The following DENND2B variants were observed in gnomAD, a reference collection of about 807,000 sequenced individuals.
DENND2B encodes DENN domain-containing protein 2B.
In DENND2B, 32 loss-of-function variants were observed where a neutral mutation model predicts 116.0. That is an observed-to-expected ratio of 0.28 (90% CI 0.21 to 0.37). DENND2B has a LOEUF of 0.37. DENND2B is among the 10% of genes least tolerant of loss of function. The pLI, the probability that DENND2B is intolerant of heterozygous loss-of-function variation, is 1.00. For synonymous variants in DENND2B, 588 were observed against 583.9 expected, an observed-to-expected ratio of 1.01 and a Z score of -0.10; for missense variants, 1,276 against 1,477.7, an observed-to-expected ratio of 0.86 and a Z score of 2.24.
At chr11:8,718,105 C>CCCCCCCCAA (rs1169627648) in intron 4 of DENND2B, 1 of 250,052 alleles carries the variant, frequency 4.0e-6, no homozygotes, top group Non-Finnish European at 7.6e-6. Flanking sequence ...CACCCCCCCA[C>CCCCCCCCAA]CCCCCCCAAC....
rs145810895 is a variant in DENND2B at position 8,730,818 on chromosome 11, G to C, written c.472C>G (p.Arg158Gly). 4.0e-4 allele frequency: 643 copies of C among 1,613,148 alleles called. No homozygotes were observed. In the African/African-American group the frequency reaches 7.5e-3, roughly 19 times the overall value. Residue 158 changes from arginine to glycine, a missense_variant, in exon 3 of 20, where the codon CGC (arginine) becomes GGC (glycine). Transcript: ENST00000313726. This position sits in a 1 kb window ranked among gnomAD's most constrained non-coding sequence, Gnocchi z 4.1. ...TCCCGGATGCCCAGGCTGTGGGCGCGGGTACCGGTACGGGTCAGCAAGACG... is the reference window on the plus strand; with the variant it reads ...TCCCGGATGCCCAGGCTGTGGGCGCCGGTACCGGTACGGGTCAGCAAGACG... Reference protein sequence around the residue: ...RGVLLTRTGTRAHSLGIREKI... With the variant: ...RGVLLTRTGTGAHSLGIREKI...
At chr11:8,900,457 G>A (rs1048617356) in intron 1 of DENND2B, among the ~76,000 whole-genome samples, 3 of 147,292 alleles carry the variant, frequency 2.0e-5, no homozygotes, top group African/African-American at 7.3e-5. Context: ...AAATTAGCCA[G>A]GTGTGTTGGC....
At chr11:8,699,918 C>T (rs1225202141) in intron 14 of DENND2B, 1 of 456,222 alleles carries the variant, frequency 2.2e-6, no homozygotes, top group Non-Finnish European at 4.4e-6. Context: ...TTTTCCAAGA[C>T]CCCAGATTGG....
At chr11:8,802,681 GA>G (rs1416124880) in intron 1 of DENND2B, among the ~76,000 whole-genome samples, 7 of 152,242 alleles carry the variant, frequency 4.6e-5, no homozygotes, top group African/African-American at 1.7e-4. Context: ...GGATTGCTCA[GA>G]AAACACTGGC....
intron 1 of DENND2B, among the ~76,000 whole-genome samples, chr11:8,779,751 T>C (rs911917469): frequency 3.9e-5 from 6 of 152,124 alleles, no homozygotes; most frequent in African/African-American, 1.4e-4. Context: ...TGACCTCAGG[T>C]GATCCGCCCC....
intron 1 of DENND2B, among the ~76,000 whole-genome samples, chr11:8,805,484 T>G (rs556408745): frequency 8.1e-4 from 124 of 152,330 alleles, no homozygotes; most frequent in Non-Finnish European, 1.5e-3. Flanking sequence ...TCCCCTTTCC[T>G]ATGACTCCCT....
intron 17 of DENND2B, 132 bp downstream of exon 17, chr11:8,697,393 A>T: frequency 1.5e-6 from 1 of 671,664 alleles, no homozygotes; most frequent in Non-Finnish European, 2.6e-6. Flanking sequence ...AAAAGACGCT[A>T]GAGTGAGACC....
rs1479536703 is a variant in DENND2B at position 8,717,769 on chromosome 11, T to A, written c.1601A>T (p.Asp534Val). ...DSLHRMWSPQDRKYNSPPTQL... is the reference protein window; with the variant it reads ...DSLHRMWSPQVRKYNSPPTQL... ...TGTGGGCGGGCTGTTGTACTTCCTG[T>A]CCTGAGGACTCCACATCCTGTGCAA... The change falls in exon 5 of 20, where the codon GAC becomes GTC. Residue 534 changes from aspartate (D) to valine (V), a missense_variant. Physicochemically the swap from Asp to Val is radical, Grantham distance 152. Around this residue, in one of 2 missense-constraint regions of DENND2B, gnomAD observed 856 missense variants for 846.6 expected, o/e 1.01. Transcript: ENST00000313726. 1 of 1,595,078 alleles carries A rather than the reference T, an allele frequency of 6.3e-7. No individual in the cohort carries two copies. Among genetic ancestry groups the A allele is most frequent in the Non-Finnish European group, 8.6e-7 (1 of 1,167,388 alleles).
At chr11:8,908,264 G>A (rs1011687859) in intron 1 of DENND2B, among the ~76,000 whole-genome samples, 3 of 152,074 alleles carry the variant, frequency 2.0e-5, no homozygotes, top group African/African-American at 7.2e-5. Context: ...GGAACCACTG[G>A]GAAAAGTTTC....
chr11:8,864,415 G>T (rs912186002), intron 2 of DENND2B, among the ~76,000 whole-genome samples: 6 of 151,892 alleles, frequency 4.0e-5, no homozygotes, highest in African/African-American at 1.5e-4. Flanking sequence ...CCACAGACAC[G>T]CACCGCCACG....
chr11:8,793,804 G>A lies in DENND2B; in HGVS notation c.-26+16713C>T, dbSNP rs894121249. On this transcript the variant is annotated intron_variant, in intron 1 of 19. Transcript: ENST00000313726. ...CAAACTTTCCCACAGCAGCTGCACC[G>A]CTAACACTCCCACTAACAATGTATG... 2.8e-4 allele frequency among the ~76,000 whole-genome samples: 42 copies of A among 152,060 alleles called. 1 individual carries two copies. Among genetic ancestry groups the A allele is most frequent in the African/African-American group, 7.0e-4 (29 of 41,418 alleles).
intron 1 of DENND2B, among the ~76,000 whole-genome samples, chr11:8,778,932 T>G (rs978433417): frequency 6.6e-6 from 1 of 152,368 alleles, no homozygotes; most frequent in South Asian, 2.1e-4. Flanking sequence ...GTCTTTCCAT[T>G]CCCACTTCAG....
Position 8,693,784 on chromosome 11 carries a change from A to C in DENND2B, c.*312T>G, listed in dbSNP as rs1048133561. ...TTTGGCTGAGACAGTCAGCTGCACA[A>C]AACTGGCCAGTCACGAGCACCCAGC... On this transcript the variant is annotated 3_prime_UTR_variant, in exon 20 of 20. Transcript: ENST00000313726. The C allele has an allele frequency of 3.1e-6, 1 of 317,894 alleles. No homozygotes were observed. Among genetic ancestry groups the C allele is most frequent in the Non-Finnish European group, 5.8e-6 (1 of 171,602 alleles). 19.7% of individuals were successfully genotyped at this position (317,894 alleles called of 1,614,324 possible).
intron 1 of DENND2B, among the ~76,000 whole-genome samples, chr11:8,889,849 C>T (rs1399110612): frequency 6.6e-6 from 1 of 152,226 alleles, no homozygotes; most frequent in African/African-American, 2.4e-5. Context: ...CAGCAGAAAC[C>T]TCTGCAGACT....
intron 4 of DENND2B, chr11:8,718,744 T>G (rs927538341): frequency 9.3e-7 from 1 of 1,077,484 alleles, no homozygotes; most frequent in Non-Finnish European, 1.1e-6. Flanking sequence ...CAGCGGGCAT[T>G]GTATTGGCAT....
intron 1 of DENND2B, among the ~76,000 whole-genome samples, chr11:8,767,128 T>C (rs1190142690): frequency 6.6e-6 from 1 of 152,152 alleles, no homozygotes; most frequent in Non-Finnish European, 1.5e-5. Flanking sequence ...TGGAAATTAA[T>C]GCGTGGGAGG....
chr11:8,775,256 C>T (rs1235458493), intron 1 of DENND2B, among the ~76,000 whole-genome samples: 1 of 151,984 alleles, frequency 6.6e-6, no homozygotes, highest in African/African-American at 2.4e-5. Context: ...GCTCTGATGT[C>T]GTGTTATCTC....
At position 8,730,418 on chromosome 11, in the gene DENND2B, A is replaced by T. The variant is rs1244854185; in HGVS notation, c.872T>A (p.Val291Asp). ...CCCCCGGCCCGGCTGCTCCTTCAGG[A>T]CCTGTTCAATTTTCTGGATCCGGCT... ...VLSRIQKIEQ[V>D]LKEQPGRGLP... The change falls in exon 3 of 20, where the codon GTC becomes GAC. Residue 291 changes from valine (V) to aspartate (D), a missense_variant. Val to Asp is a radical substitution (Grantham distance 152, BLOSUM62 -3). Around this residue, in one of 2 missense-constraint regions of DENND2B, gnomAD observed 856 missense variants for 846.6 expected, o/e 1.01. Transcript: ENST00000313726. The surrounding 1 kb of genome is among the most constrained non-coding windows in gnomAD (Gnocchi z 4.1). The T allele has an allele frequency of 1.2e-6, 2 of 1,607,794 alleles. No homozygotes were observed. The highest frequency in any genetic ancestry group is 1.7e-6 in the Non-Finnish European group (2 of 1,179,826).
chr11:8,880,896 G>A (rs1196862892), intron 2 of DENND2B: 1 of 152,006 alleles, frequency 6.6e-6, no homozygotes, highest in Non-Finnish European at 1.5e-5. Flanking sequence ...CACTGAGAAA[G>A]GAGAAATGTA....
Sources: allele counts gnomAD v4.1 joint callset (sites outside exome capture counted in the v4.1 genomes callset), GRCh38; gene constraint gnomAD v4.1.1; regional missense constraint gnomAD v4.1.1; non-coding constraint Gnocchi (gnomAD v3.1); transcripts MANE v1.5; gene names NCBI Gene and HGNC (gene_info 2026-07-23, HGNC 2026-07-21).